Variants in PSD3 observed in about 807,000 individuals in gnomAD.
PSD3 encodes the protein PH and SEC7 domain-containing protein 3.
Under a neutral mutation model 105.5 loss-of-function variants are expected in PSD3, and 49 were observed. That is an observed-to-expected ratio of 0.46 (90% CI 0.37 to 0.59). PSD3 has a LOEUF of 0.59. Ranked by LOEUF, PSD3 falls within the 20% of genes least tolerant of loss-of-function variation. The probability of loss-of-function intolerance (pLI) is 0.00; values close to 1 mark genes in which losing one functional copy is unlikely to be tolerated. For synonymous variants in PSD3, 557 were observed against 457.8 expected, an observed-to-expected ratio of 1.22 and a Z score of -2.77; for missense variants, 1,561 against 1,263.8, an observed-to-expected ratio of 1.24 and a Z score of -3.57.
chr8:18,869,843 T>C (rs1468661730), intron 3 of PSD3, among the ~76,000 whole-genome samples: 2 of 152,232 alleles, frequency 1.3e-5, no homozygotes, highest in African/African-American at 4.8e-5. Flanking sequence ...GTGATCAATG[T>C]TTATCTTCAG....
chr8:19,058,698 GAA>G lies in PSD3; in HGVS notation c.324+25506_324+25507del, dbSNP rs950071350. Among the ~76,000 whole-genome samples the G allele has an allele frequency of 7.2e-5, 11 of 152,188 alleles. No individual in the cohort carries two copies. The South Asian group carries it at 2.1e-3, about 29-fold the overall frequency. Reference sequence around the variant, plus strand: ...TAAGCACATTGTACAAAAGTTTCTTGAAGTTTGGAGATGTTTCTGGAAATTAG... The same window carrying G: ...TAAGCACATTGTACAAAAGTTTCTTGGTTTGGAGATGTTTCTGGAAATTAG... On this transcript the variant is annotated intron_variant, in intron 1 of 1. Coordinates refer to the PSD3 transcript ENST00000521475.
chr8:18,771,310 G>C (rs1807507668), intron 8 of PSD3, among the ~76,000 whole-genome samples: 1 of 152,202 alleles, frequency 6.6e-6, no homozygotes, highest in Non-Finnish European at 1.5e-5. Flanking sequence ...CTTCTGCCCA[G>C]AATTTCCCTG....
chr8:18,766,733 C>T (rs936392812), intron 8 of PSD3, among the ~76,000 whole-genome samples: 2 of 152,202 alleles, frequency 1.3e-5, no homozygotes, highest in African/African-American at 4.8e-5. Context: ...TTATTACTTA[C>T]ACTAACAGGG....
intron 2 of PSD3, among the ~76,000 whole-genome samples, chr8:18,895,684 G>C (rs1819100947): frequency 6.6e-6 from 1 of 152,122 alleles, no homozygotes; most frequent in Admixed American, 6.6e-5. Flanking sequence ...TTTACAGATA[G>C]TAACTGCACA....
intron 12 of PSD3, among the ~76,000 whole-genome samples, chr8:18,588,192 A>G (rs1403737234): frequency 6.6e-6 from 1 of 152,204 alleles, no homozygotes; most frequent in Admixed American, 6.5e-5. Flanking sequence ...GTAGATGCCC[A>G]TAAGGTCTTC....
At chr8:18,705,914 C>G (rs1801868512) in intron 9 of PSD3, among the ~76,000 whole-genome samples, 1 of 152,128 alleles carries the variant, frequency 6.6e-6, no homozygotes, top group South Asian at 2.1e-4. Flanking sequence ...CTACTTTTCA[C>G]AAATATCTAC....
intron 1 of PSD3, among the ~76,000 whole-genome samples, chr8:19,072,534 C>T (rs191252485): frequency 4.6e-5 from 7 of 152,240 alleles, no homozygotes; most frequent in Admixed American, 1.3e-4. Flanking sequence ...TAATACATTT[C>T]GTCTTTCTAT....
In PSD3 at chr8:18,643,721, C is replaced by T. The variant is rs548350102; in HGVS notation, c.2217-10915G>A. On this transcript the variant is annotated intron_variant, in intron 10 of 15. Coordinates refer to ENST00000327040, the MANE Select transcript of PSD3 (RefSeq NM_015310.4). ...TGAAAACACTGGAATTGGGGTTGGG[C>T]CCCCAAGGCCTCAGGCAGCCCCAAT... 3.3e-5 allele frequency among the ~76,000 whole-genome samples: 5 copies of T among 152,344 alleles called. No individual in the cohort carries two copies. The East Asian group carries it at 7.7e-4, about 23-fold the overall frequency.
intron 1 of PSD3, among the ~76,000 whole-genome samples, chr8:19,042,814 G>C (rs541213239): frequency 7.9e-5 from 12 of 152,190 alleles, no homozygotes; most frequent in African/African-American, 2.9e-4. Flanking sequence ...TTTAATTGAA[G>C]TACTTATGAA....
At chr8:18,793,390 A>G in intron 8 of PSD3, among the ~76,000 whole-genome samples, 1 of 151,606 alleles carries the variant, frequency 6.6e-6, no homozygotes, top group African/African-American at 2.4e-5. Context: ...AAACAAAACA[A>G]AACTGGGTGA....
intron 9 of PSD3, among the ~76,000 whole-genome samples, chr8:18,755,648 C>G (rs1805974558): frequency 6.6e-6 from 1 of 152,122 alleles, no homozygotes; most frequent in African/African-American, 2.4e-5. Context: ...ACAACCACCA[C>G]CACTCAAACT....
intron 4 of PSD3, among the ~76,000 whole-genome samples, chr8:18,838,442 C>T (rs557538697): frequency 6.6e-6 from 1 of 152,252 alleles, no homozygotes; most frequent in Non-Finnish European, 1.5e-5. Context: ...GTATCCTGTC[C>T]TCTTTAAAAA....
At chr8:18,646,700 G>C (rs536827038) in intron 10 of PSD3, among the ~76,000 whole-genome samples, 3 of 152,126 alleles carry the variant, frequency 2.0e-5, no homozygotes, top group African/African-American at 7.2e-5. Context: ...TGGGTGAAAA[G>C]AAAACTATTC....
chr8:18,535,666 T>G lies in PSD3; in HGVS notation c.*77A>C. ...GTCACAGACTTTTTTTTTTTAAATATATTCACGGATTACCAGAAAGATCTT... is the reference window on the plus strand; with the variant it reads ...GTCACAGACTTTTTTTTTTTAAATAGATTCACGGATTACCAGAAAGATCTT... On this transcript the variant is annotated 3_prime_UTR_variant, in exon 16 of 16. Transcript: ENST00000327040. The G allele has an allele frequency of 8.4e-7, 1 of 1,190,528 alleles. No individual in the cohort carries two copies. Among genetic ancestry groups the G allele is most frequent in the Non-Finnish European group, 1.2e-6 (1 of 823,674 alleles). The allele number at this position is 1,190,528 out of a possible 1,614,324, so 73.7% of individuals were successfully genotyped here.
At chr8:18,698,854 G>A (rs10089345) in intron 9 of PSD3, among the ~76,000 whole-genome samples, 139,623 of 152,232 alleles carry the variant, frequency 0.92, 64,536 homozygotes, top group Middle Eastern at 0.97. Context: ...ACAATAATAT[G>A]TGAGATAAGT....
chr8:18,559,109 TA>T (rs1801245334), intron 14 of PSD3, among the ~76,000 whole-genome samples: 1 of 152,224 alleles, frequency 6.6e-6, no homozygotes, highest in Non-Finnish European at 1.5e-5. Flanking sequence ...ACATGTCTCC[TA>T]GGGAATCTGA....
chr8:18,997,430 T>C (rs1162885971), intron 1 of PSD3, among the ~76,000 whole-genome samples: 2 of 151,874 alleles, frequency 1.3e-5, no homozygotes, highest in East Asian at 1.9e-4. Flanking sequence ...GCCACCACCC[T>C]CACTCACCTA....
At chr8:18,837,926 G>T (rs897925923) in intron 4 of PSD3, among the ~76,000 whole-genome samples, 2 of 39,624 alleles carry the variant, frequency 5.0e-5, no homozygotes, top group African/African-American at 2.2e-4. Context: ...GAAGATGCCA[G>T]TTGTCTATCA....
At chr8:18,866,336 C>T (rs773555820) in intron 4 of PSD3, among the ~76,000 whole-genome samples, 2 of 152,206 alleles carry the variant, frequency 1.3e-5, no homozygotes, top group Admixed American at 6.5e-5. Flanking sequence ...TACAAGAAGT[C>T]TAGATGTGGA....
Sources: allele counts gnomAD v4.1 joint callset (sites outside exome capture counted in the v4.1 genomes callset), GRCh38; gene constraint gnomAD v4.1.1; transcripts MANE v1.5; gene names NCBI Gene and HGNC (gene_info 2026-07-23, HGNC 2026-07-21).